Variants in COPB2 observed in about 807,000 individuals in gnomAD.
COPB2 encodes coatomer subunit beta'.
COPB2 carries 16 observed loss-of-function variants against 120.8 expected under a neutral mutation model. The ratio of observed to expected loss-of-function variants is 0.13; its 90% CI spans 0.09 to 0.20. COPB2 has a LOEUF of 0.20. COPB2 is among the 10% of genes least tolerant of loss of function. The probability of loss-of-function intolerance (pLI) is 1.00; values close to 1 mark genes in which losing one functional copy is unlikely to be tolerated. For missense variants in COPB2, 794 were observed against 1,076.5 expected, an observed-to-expected ratio of 0.74 and a Z score of 3.67; for synonymous variants, 332 against 366.3, an observed-to-expected ratio of 0.91 and a Z score of 1.07.
chr3:139,371,670 A>G, intron 10 of COPB2, 53 bp downstream of exon 10: 2 of 1,470,198 alleles, frequency 1.4e-6, no homozygotes, highest in South Asian at 2.3e-5. Context: ...TTCAAGCAGC[A>G]CACAACACAT....
At chr3:139,368,052 T>C in intron 13 of COPB2, 93 bp downstream of exon 13, 4 of 1,395,608 alleles carry the variant, frequency 2.9e-6, no homozygotes, top group Middle Eastern at 3.7e-4. Context: ...ACACCTAATT[T>C]ATAACGAAAT....
At chr3:139,384,189 T>C (rs892505444) in intron 1 of COPB2, among the ~76,000 whole-genome samples, 1 of 152,238 alleles carries the variant, frequency 6.6e-6, no homozygotes, top group Non-Finnish European at 1.5e-5. Context: ...TTAAAATCCA[T>C]TGGTTAAGTC....
chr3:139,374,168 T>A lies in COPB2; in HGVS notation c.751+321A>T. ...CATAATTTGCCCAAACACACATTCA[T>A]GACATAACAGAGCCTGATTTTGAAC... On this transcript the variant is annotated intron_variant, in intron 7 of 21. Transcript: ENST00000333188. 2.4e-5 allele frequency: 10 copies of A among 423,308 alleles called. No homozygotes were observed. The South Asian group carries it at 3.1e-4, about 13-fold the overall frequency. 26.2% of individuals were successfully genotyped at this position (423,308 alleles called of 1,614,324 possible). A position where few individuals can be genotyped will look rare whatever the true frequency, so the allele number is the denominator to read the frequency against.
intron 4 of COPB2, 138 bp from the exon 5 acceptor site, chr3:139,378,327 A>G: frequency 1.3e-6 from 1 of 757,558 alleles, no homozygotes; most frequent in Non-Finnish European, 1.9e-6. Flanking sequence ...AACCAAATAG[A>G]GTTTTCAAAA....
chr3:139,361,985 C>T (rs1242363339), intron 16 of COPB2, among the ~76,000 whole-genome samples: 1 of 152,208 alleles, frequency 6.6e-6, no homozygotes, highest in Non-Finnish European at 1.5e-5. Context: ...TCTCTGACTG[C>T]CTGCTCTATT....
At chr3:139,358,490 A>G (rs1941337438) in intron 20 of COPB2, 4 of 601,952 alleles carry the variant, frequency 6.6e-6, no homozygotes, top group Non-Finnish European at 1.2e-5. Context: ...CATCCTGGCT[A>G]ATGCAGTGAA....
At chr3:139,379,007 C>T (rs777999028) in intron 4 of COPB2, 40 bp downstream of exon 4, 3 of 1,530,042 alleles carry the variant, frequency 2.0e-6, no homozygotes, top group South Asian at 1.3e-5. Context: ...AAATGAATTA[C>T]CCAAAGAGAC....
chr3:139,361,250 A>G lies in COPB2; in HGVS notation c.2041T>C (p.Cys681Arg). 1.9e-6 allele frequency: 3 copies of G among 1,614,206 alleles called. No homozygotes were observed. The highest frequency in any genetic ancestry group is 8.5e-7 in the Non-Finnish European group (1 of 1,180,038). Reference sequence around the variant, plus strand: ...CACTCCTGGGCTAGGCCAAACTGACATTTACTAATGGCAAGTTCAGCAAGT... The same window carrying G: ...CACTCCTGGGCTAGGCCAAACTGACGTTTACTAATGGCAAGTTCAGCAAGT... ...KQLAELAISKCQFGLAQECLH... is the reference protein window; with the variant it reads ...KQLAELAISKRQFGLAQECLH... The change falls in exon 17 of 22, where the codon TGT becomes CGT. Residue 681 changes from cysteine to arginine, a missense_variant. Physicochemically the swap from Cys to Arg is radical, Grantham distance 180. Around this residue, in one of 3 missense-constraint regions of COPB2, gnomAD observed 610 missense variants for 866.7 expected, o/e 0.70. Coordinates refer to ENST00000333188, the MANE Select transcript of COPB2 (RefSeq NM_004766.3).
chr3:139,387,176 A>G (rs1454160575), intron 1 of COPB2, among the ~76,000 whole-genome samples: 1 of 151,916 alleles, frequency 6.6e-6, no homozygotes, highest in African/African-American at 2.4e-5. Flanking sequence ...GCACCACTGC[A>G]CTCCAGCCTG....
At position 139,373,681 on chromosome 3, in the gene COPB2, C is replaced by G. The variant is rs756427797; in HGVS notation, c.879G>C (p.Gly293=). 2 of 1,614,100 alleles carry G rather than the reference C, an allele frequency of 1.2e-6. No homozygotes were observed. The highest frequency in any genetic ancestry group is 1.7e-6 in the Non-Finnish European group (2 of 1,179,998). Residue 293 remains glycine, a synonymous_variant, in exon 8 of 22, where the codon GGG becomes GGC. Coordinates refer to ENST00000333188, the MANE Select transcript of COPB2 (RefSeq NM_004766.3). The part of the protein sequence containing the change: ...SNNVALGYDE[G]SIIVKLGREE... ...GTATAATTACCTTAACAATGATGCT[C>G]CCTTCATCATAGCCCAAAGCGACAT...
intron 16 of COPB2, among the ~76,000 whole-genome samples, chr3:139,362,171 C>T (rs1026902858): frequency 6.6e-6 from 1 of 151,742 alleles, no homozygotes; most frequent in African/African-American, 2.4e-5. Context: ...GATATGAAAA[C>T]AATTTTTCTT....
At chr3:139,378,936 C>T (rs541217179) in intron 4 of COPB2, 111 bp downstream of exon 4, 25 of 1,183,442 alleles carry the variant, frequency 2.1e-5, no homozygotes, top group African/African-American at 9.4e-5. Context: ...GTTTAAAGGC[C>T]GCTTGGAATT....
At position 139,382,987 on chromosome 3, in the gene COPB2, A is replaced by G. The variant is rs553675563; in HGVS notation, c.141+311T>C. 97 of 316,354 alleles carry G rather than the reference A, an allele frequency of 3.1e-4. 2 individuals are homozygous for G. The highest frequency in any genetic ancestry group is 2.5e-3 in the South Asian group (66 of 26,856). 19.6% of individuals were successfully genotyped at this position (316,354 alleles called of 1,614,324 possible). A position where few individuals can be genotyped will look rare whatever the true frequency, so the allele number is the denominator to read the frequency against. The stretch of plus-strand genomic sequence containing the variant: ...TAAGATAGAGTATTCACTGAATGGA[A>G]AACTAACGATTAAATACTTTAGCAA... On this transcript the variant is annotated intron_variant, in intron 2 of 21. Coordinates refer to ENST00000333188, the MANE Select transcript of COPB2 (RefSeq NM_004766.3).
At chr3:139,379,016 A>G (rs1941762915) in intron 4 of COPB2, 31 bp downstream of exon 4, 1 of 1,547,504 alleles carries the variant, frequency 6.5e-7, no homozygotes, top group Admixed American at 2.2e-5. Flanking sequence ...ACCCAAAGAG[A>G]CGCACATGAC....
rs781676776 is a variant in COPB2, at chr3:139,369,372, AG to A, written c.1295-6del. Reference sequence around the variant, plus strand: ...ATAAGAAGCCGCCGTAGATACCTAAAGGGAACATAAAAAGAGTTTTGCTTAG... The same window carrying A: ...ATAAGAAGCCGCCGTAGATACCTAAAGGAACATAAAAAGAGTTTTGCTTAG... On this transcript the variant is annotated splice_region_variant and splice_polypyrimidine_tract_variant and intron_variant, in intron 11 of 21. Transcript: ENST00000333188. The A allele has an allele frequency of 6.2e-7, 1 of 1,611,556 alleles. No individual in the cohort carries two copies. Among genetic ancestry groups the A allele is most frequent in the East Asian group, 2.2e-5 (1 of 44,868 alleles).
At chr3:139,378,790 G>C (rs891516081) in intron 4 of COPB2, among the ~76,000 whole-genome samples, 1 of 152,190 alleles carries the variant, frequency 6.6e-6, no homozygotes, top group Non-Finnish European at 1.5e-5. Context: ...CTGTTCAGCA[G>C]ATGTTTAAAC....
Position 139,369,350 on chromosome 3 carries a change from A to G in COPB2, c.1312T>C (p.Leu438=), listed in dbSNP as rs549796342. 1 of 1,613,706 alleles carries G rather than the reference A, an allele frequency of 6.2e-7. No homozygotes were observed. Among genetic ancestry groups the G allele is most frequent in the East Asian group, 2.2e-5 (1 of 44,858 alleles). The change falls in exon 12 of 22, where the codon TTA becomes CTA. Residue 438 remains leucine (L), a synonymous_variant. Coordinates refer to ENST00000333188, the MANE Select transcript of COPB2 (RefSeq NM_004766.3). The stretch of plus-strand genomic sequence containing the variant: ...CCATTTACAGATCTGACTCCCAATA[A>G]GAAGCCGCCGTAGATACCTAAAGGG... ...FGAESIYGGF[L]LGVRSVNGLA... is the part of the protein sequence containing the mutation.
In COPB2 at chr3:139,379,154, A is replaced by G. The variant is rs779015197; in HGVS notation, c.248T>C (p.Val83Ala). The change falls in exon 4 of 22, where the codon GTG becomes GCG. Residue 83 changes from valine to alanine, a missense_variant. Physicochemically the swap from Val to Ala is moderately conservative, Grantham distance 64 (BLOSUM62 0). Transcript: ENST00000333188. ...VTGADDMQIR[V>A]FNYNTLERVH... ...TCTCTCCAGAGTATTGTAATTGAAC[A>G]CTCTAATCTGCATGTCATCCTAGAA... 3.8e-6 allele frequency: 6 copies of G among 1,599,806 alleles called. No individual in the cohort carries two copies. Among genetic ancestry groups the G allele is most frequent in the Non-Finnish European group, 5.1e-6 (6 of 1,175,778 alleles).
intron 21 of COPB2, 53 bp downstream of exon 21, chr3:139,358,147 T>G (rs1271524669): frequency 6.8e-7 from 1 of 1,476,580 alleles, no homozygotes; most frequent in Admixed American, 1.7e-5. Flanking sequence ...CTCCAGATAT[T>G]GATGGGGAGG....
Sources: gnomAD v4.1 joint callset for allele counts (sites outside exome capture counted in the v4.1 genomes callset) on GRCh38, gnomAD v4.1.1 for gene constraint, gnomAD v4.1.1 regional missense constraint, MANE v1.5 for transcripts, NCBI Gene and HGNC (gene_info 2026-07-23, HGNC 2026-07-21) for gene names.